The following EMC3 variants were observed in gnomAD, a reference collection of about 807,000 sequenced individuals.
EMC3 encodes ER membrane protein complex subunit 3, also known as 30 kDa protein.
EMC3 carries 13 observed loss-of-function variants against 36.6 expected under a neutral mutation model. That is an observed-to-expected ratio of 0.35 (90% CI 0.23 to 0.56). EMC3 has a LOEUF of 0.56. Ranked by LOEUF, EMC3 falls within the 20% of genes least tolerant of loss-of-function variation. The pLI, the probability that EMC3 is intolerant of heterozygous loss-of-function variation, is 0.84. For synonymous variants in EMC3, 120 were observed against 111.9 expected, an observed-to-expected ratio of 1.07 and a Z score of -0.46; for missense variants, 220 against 324.5, an observed-to-expected ratio of 0.68 and a Z score of 2.47.
chr3:9,997,235 CTTTT>C (rs879325383), intron 1 of EMC3, among the ~76,000 whole-genome samples: 1 of 144,516 alleles, frequency 6.9e-6, no homozygotes, highest in African/African-American at 2.5e-5. Context: ...TTCCTTCTTT[CTTTT>C]TTTTTTTTTG....
At chr3:10,007,869 G>A (rs1429615380) in intron 1 of EMC3, among the ~76,000 whole-genome samples, 2 of 152,138 alleles carry the variant, frequency 1.3e-5, no homozygotes, top group Non-Finnish European at 2.9e-5. Flanking sequence ...ACTACTGATG[G>A]TGGCCAGGGT....
chr3:9,973,068 G>A (rs1025675848), intron 5 of EMC3, among the ~76,000 whole-genome samples: 13 of 150,716 alleles, frequency 8.6e-5, no homozygotes, highest in African/African-American at 2.9e-4. Flanking sequence ...CTGGTGATCC[G>A]CCCGCCTCGG....
intron 1 of EMC3, among the ~76,000 whole-genome samples, chr3:9,980,256 C>T (rs1326238130): frequency 1.3e-5 from 2 of 151,966 alleles, no homozygotes; most frequent in South Asian, 2.1e-4. Flanking sequence ...TCAGATGATC[C>T]GCCTGCCTCA....
chr3:9,979,269 T>C (rs1395549409), intron 1 of EMC3, among the ~76,000 whole-genome samples: 1 of 152,204 alleles, frequency 6.6e-6, no homozygotes, highest in Non-Finnish European at 1.5e-5. Context: ...TTATAATAAT[T>C]TGACATTGTC....
chr3:10,007,330 T>C (rs1263457746), intron 1 of EMC3: 6 of 1,321,230 alleles, frequency 4.5e-6, no homozygotes, highest in African/African-American at 1.5e-5. Flanking sequence ...TCAGGTCCCG[T>C]CTGCCTGTGT....
intron 7 of EMC3, chr3:9,969,021 C>CACCATG (rs1049568942): frequency 6.6e-6 from 1 of 152,362 alleles, no homozygotes; most frequent in African/African-American, 2.4e-5. Flanking sequence ...AAAGAGGTTT[C>CACCATG]ACCATGTTGG....
intron 1 of EMC3, among the ~76,000 whole-genome samples, chr3:10,008,096 G>C (rs1165120981): frequency 6.6e-6 from 1 of 152,192 alleles, no homozygotes; most frequent in Admixed American, 6.5e-5. Context: ...CCCCCAGAAA[G>C]AGGGCCCCTG....
intron 1 of EMC3, among the ~76,000 whole-genome samples, chr3:9,996,857 C>T (rs557383177): frequency 6.6e-6 from 1 of 152,234 alleles, no homozygotes; most frequent in East Asian, 1.9e-4. Context: ...ATACCTTTTG[C>T]ATTTAGCAGT....
chr3:10,007,572 G>C, intron 1 of EMC3: 1 of 1,367,636 alleles, frequency 7.3e-7, no homozygotes. Context: ...TCTGGGTGAG[G>C]CAGGCATCCT....
In EMC3 at chr3:9,994,875, AC is replaced by A. The variant is rs566175779; in HGVS notation, c.-241-7974del. ...GCATGAGCCACCGTGCCTGGCCGAG[AC>A]ACATTTTAATAGCATATATCCAGAG... is the stretch of plus-strand genomic sequence containing the variant. On this transcript the variant is annotated intron_variant, in intron 1 of 8. Transcript: ENST00000470827. 7.3e-4 allele frequency among the ~76,000 whole-genome samples: 111 copies of A among 152,236 alleles called. 1 individual carries two copies. The South Asian group carries it at 0.018, about 25-fold the overall frequency.
chr3:9,978,144 C>CAAAAAAAAAA (rs2085869021), intron 1 of EMC3: 1 of 49,068 alleles, frequency 2.0e-5, no homozygotes, highest in Admixed American at 4.2e-4. Flanking sequence ...GACCCTGTCT[C>CAAAAAAAAAA]TAAAAAAAAA....
chr3:9,968,389 G>T (rs181798470), intron 7 of EMC3, among the ~76,000 whole-genome samples: 16 of 152,234 alleles, frequency 1.1e-4, no homozygotes, highest in African/African-American at 3.6e-4. Context: ...GATTCTTTAG[G>T]ATGATCTACA....
chr3:9,972,841 T>G (rs1272253547), intron 5 of EMC3, among the ~76,000 whole-genome samples: 1 of 151,614 alleles, frequency 6.6e-6, no homozygotes, highest in East Asian at 1.9e-4. Context: ...TCTTTTTTTT[T>G]TTTTTGAGAT....
In EMC3 at chr3:9,964,009, C is replaced by T. The variant is rs13082369; in HGVS notation, c.*60G>A. The T allele has an allele frequency of 5.0e-6, 8 of 1,592,734 alleles. No individual in the cohort carries two copies. In the East Asian group the frequency reaches 1.8e-4, roughly 36 times the overall value. ...TATTTCAAGAGGTGCCAGCTCCAAA[C>T]AAAGTTACAAGGTTAAGTGCAACTC... On this transcript the variant is annotated 3_prime_UTR_variant, in exon 8 of 8. Coordinates refer to ENST00000245046, the MANE Select transcript of EMC3 (RefSeq NM_001394674.1).
chr3:10,008,634 G>A (rs777671059), intron 1 of EMC3: 20 of 388,514 alleles, frequency 5.1e-5, no homozygotes, highest in Middle Eastern at 9.7e-4. Flanking sequence ...GAGAGATCAA[G>A]TAGCATCCCC....
At chr3:10,009,030 G>A (rs1575709193) in intron 1 of EMC3, 1 of 153,648 alleles carries the variant, frequency 6.5e-6, no homozygotes, top group Non-Finnish European at 1.5e-5. Flanking sequence ...CTATCACTAA[G>A]CTTATTTGCC....
chr3:10,006,818 C>T (rs7627372), intron 1 of EMC3: 112,595 of 415,310 alleles, frequency 0.27, 19,628 homozygotes, highest in African/African-American at 0.65. Context: ...TTGGAGAGGA[C>T]GAAGGCCCTG....
chr3:9,997,801 C>T (rs2086146406), intron 1 of EMC3, among the ~76,000 whole-genome samples: 3 of 152,058 alleles, frequency 2.0e-5, no homozygotes, highest in Admixed American at 1.3e-4. Context: ...TCCATTCATC[C>T]ATTGATGGAC....
At chr3:9,988,659 A>G, upstream of EMC3, 1 of 1,112,994 alleles carries the variant, frequency 9.0e-7, no homozygotes, top group South Asian at 1.3e-5. Context: ...AATAAGGTGT[A>G]ACGTGTTTCG....
Sources: allele counts gnomAD v4.1 joint callset (sites outside exome capture counted in the v4.1 genomes callset), GRCh38; gene constraint gnomAD v4.1.1; transcripts MANE v1.5; gene names NCBI Gene and HGNC (gene_info 2026-07-23, HGNC 2026-07-21).